Variants in DPYD observed in about 807,000 individuals in gnomAD.
DPYD encodes dihydropyrimidine dehydrogenase.
Under a neutral mutation model 116.2 loss-of-function variants are expected in DPYD, and 109 were observed. The observed-to-expected ratio is 0.94, with a 90% confidence interval of 0.80 to 1.10. The LOEUF is 1.10. DPYD is among the 50% of genes least tolerant of loss of function. The probability of loss-of-function intolerance (pLI) is 0.00; values close to 1 mark genes in which losing one functional copy is unlikely to be tolerated. For synonymous variants in DPYD, 440 were observed against 432.0 expected, an observed-to-expected ratio of 1.02 and a Z score of -0.23; for missense variants, 1,302 against 1,254.5, an observed-to-expected ratio of 1.04 and a Z score of -0.57.
intron 20 of DPYD, among the ~76,000 whole-genome samples, chr1:97,120,527 G>C (rs1022040382): frequency 6.6e-6 from 1 of 152,138 alleles, no homozygotes; most frequent in African/African-American, 2.4e-5. Context: ...GCACAGCTGA[G>C]CTAAAAAGGA....
At chr1:97,112,880 TTAA>T (rs1651704019) in intron 20 of DPYD, among the ~76,000 whole-genome samples, 1 of 152,308 alleles carries the variant, frequency 6.6e-6, no homozygotes, top group East Asian at 1.9e-4. Context: ...AGCCTGTCTA[TTAA>T]TAAATTCTTG....
At chr1:97,814,631 T>C (rs1014801905) in intron 3 of DPYD, among the ~76,000 whole-genome samples, 4 of 152,148 alleles carry the variant, frequency 2.6e-5, no homozygotes, top group Non-Finnish European at 5.9e-5. Flanking sequence ...ATGATGCTAC[T>C]GCCATTTACT....
At chr1:97,715,347 G>A (rs958664130) in intron 5 of DPYD, among the ~76,000 whole-genome samples, 1 of 151,976 alleles carries the variant, frequency 6.6e-6, no homozygotes, top group Non-Finnish European at 1.5e-5. Context: ...AATGAAGATT[G>A]GACAATAAGT....
chr1:97,263,428 T>C (rs969946875), intron 18 of DPYD, among the ~76,000 whole-genome samples: 1 of 152,056 alleles, frequency 6.6e-6, no homozygotes, highest in Admixed American at 6.6e-5. Context: ...CAAAAACAAA[T>C]GTAATACAGA....
chr1:97,422,183 T>C (rs1459077868), intron 14 of DPYD, among the ~76,000 whole-genome samples: 1 of 152,190 alleles, frequency 6.6e-6, no homozygotes, highest in Non-Finnish European at 1.5e-5. Context: ...CATTATTATA[T>C]TAAAATATTA....
chr1:97,313,789 C>T (rs759504018), intron 16 of DPYD, among the ~76,000 whole-genome samples: 4 of 151,890 alleles, frequency 2.6e-5, no homozygotes, highest in Non-Finnish European at 5.9e-5. Flanking sequence ...TTCTTTATTA[C>T]TGCATTTATC....
chr1:97,434,218 C>T (rs1388507329), intron 14 of DPYD, among the ~76,000 whole-genome samples: 1 of 152,014 alleles, frequency 6.6e-6, no homozygotes, highest in African/African-American at 2.4e-5. Flanking sequence ...AGAAAATTTC[C>T]TTTTGGCTGA....
chr1:97,318,451 T>G (rs945562208), intron 16 of DPYD, among the ~76,000 whole-genome samples: 1 of 150,262 alleles, frequency 6.7e-6, no homozygotes, highest in Non-Finnish European at 1.5e-5. Context: ...ATAAAACAGA[T>G]TGTAAACCAA....
chr1:97,420,050 G>T (rs774752938), intron 14 of DPYD: 1 of 152,202 alleles, frequency 6.6e-6, no homozygotes, highest in Non-Finnish European at 1.5e-5. Flanking sequence ...GACAGTAGAG[G>T]ACACTGGGAG....
chr1:97,887,549 C>T (rs116474206), intron 1 of DPYD, among the ~76,000 whole-genome samples: 173 of 148,132 alleles, frequency 1.2e-3, no homozygotes, highest in African/African-American at 3.7e-3. Context: ...GTTTAGTGTC[C>T]GGCAAGAATA....
intron 3 of DPYD, among the ~76,000 whole-genome samples, chr1:97,767,125 T>C (rs1665900612): frequency 6.6e-6 from 1 of 152,164 alleles, no homozygotes; most frequent in South Asian, 2.1e-4. Flanking sequence ...TTCCCCTTTT[T>C]GGAGTTACAT....
At chr1:97,663,390 T>C (rs1474170611) in intron 8 of DPYD, among the ~76,000 whole-genome samples, 2 of 152,224 alleles carry the variant, frequency 1.3e-5, no homozygotes, top group African/African-American at 2.4e-5. Context: ...ATCTTTACCC[T>C]GCCTTCTCCT....
chr1:97,782,127 C>T (rs1666779987), intron 3 of DPYD, among the ~76,000 whole-genome samples: 1 of 152,170 alleles, frequency 6.6e-6, no homozygotes, highest in African/African-American at 2.4e-5. Flanking sequence ...AGGAAGTAAA[C>T]TCAGACACCT....
chr1:97,735,685 CATAAATAAATAAATAAATAA>C (rs5776378), intron 4 of DPYD, among the ~76,000 whole-genome samples: 2 of 133,820 alleles, frequency 1.5e-5, no homozygotes, highest in East Asian at 2.1e-4. Context: ...AAGACTCTGT[CATAAATAAATAAATAAATAA>C]ATAAATAAAT....
rs570954265 is a variant in DPYD, at chr1:97,406,716, CG to C, written c.1906-24256del. On this transcript the variant is annotated intron_variant, in intron 14 of 22. Transcript: ENST00000370192. ...CTTCCAAGTACCTTACATGTGTAAC[CG>C]GAAACAAGCTATCATATATTTTTAT... 3.3e-5 allele frequency among the ~76,000 whole-genome samples: 5 copies of C among 152,116 alleles called. No individual in the cohort carries two copies. The South Asian group carries it at 1.0e-3, about 32-fold the overall frequency.
At chr1:97,281,253 A>AATTTC in intron 18 of DPYD, among the ~76,000 whole-genome samples, 1 of 152,134 alleles carries the variant, frequency 6.6e-6, no homozygotes, top group East Asian at 1.9e-4. Flanking sequence ...AACACCAGAG[A>AATTTC]ATTTCCAGAC....
rs575394677 is a variant in DPYD, at chr1:97,771,278, G to A, written c.234-30799C>T. Among the ~76,000 whole-genome samples, 19 of 152,236 alleles carry A rather than the reference G, an allele frequency of 1.2e-4. No individual in the cohort carries two copies. In the South Asian group the frequency reaches 1.9e-3, roughly 15 times the overall value. The stretch of plus-strand genomic sequence containing the variant: ...CTTTGTCTCAATTACAAAGAAAAAA[G>A]AAAAATATTAATTTTGGAAAGTAAA... On this transcript the variant is annotated intron_variant, in intron 3 of 22. Coordinates refer to ENST00000370192, the MANE Select transcript of DPYD (RefSeq NM_000110.4).
chr1:97,748,931 T>C (rs953466092), intron 3 of DPYD, among the ~76,000 whole-genome samples: 1 of 152,208 alleles, frequency 6.6e-6, no homozygotes, highest in Non-Finnish European at 1.5e-5. Flanking sequence ...GCTTCTACTT[T>C]TGAAAATGGC....
chr1:97,551,755 C>T (rs567952427), intron 11 of DPYD, among the ~76,000 whole-genome samples: 1 of 152,166 alleles, frequency 6.6e-6, no homozygotes, highest in South Asian at 2.1e-4. Context: ...TACAGTCGGC[C>T]CTCCATATCT....
Sources: allele counts gnomAD v4.1 joint callset (sites outside exome capture counted in the v4.1 genomes callset), GRCh38; gene constraint gnomAD v4.1.1; transcripts MANE v1.5; gene names NCBI Gene and HGNC (gene_info 2026-07-23, HGNC 2026-07-21).